The following EPB41L5 variants were observed in gnomAD, a reference collection of about 807,000 sequenced individuals.
EPB41L5 encodes the protein band 4.1-like protein 5.
Under a neutral mutation model 106.6 loss-of-function variants are expected in EPB41L5, and 55 were observed. That is an observed-to-expected ratio of 0.52 (90% CI 0.42 to 0.65). The LOEUF (loss-of-function observed/expected upper bound fraction) is 0.65, where lower values mean the gene tolerates loss of function less well. Ranked by LOEUF, EPB41L5 falls within the 30% of genes least tolerant of loss-of-function variation. EPB41L5 has a pLI of 0.00. For missense variants in EPB41L5, 871 were observed against 882.1 expected (o/e 0.99, Z 0.16); for synonymous variants, 297 against 306.7 (o/e 0.97, Z 0.33).
At chr2:120,014,509 G>T (rs1443913326) in intron 1 of EPB41L5, among the ~76,000 whole-genome samples, 1 of 152,112 alleles carries the variant, frequency 6.6e-6, no homozygotes, top group Admixed American at 6.6e-5. Flanking sequence ...ATAATTAACA[G>T]ATATTTAATT....
intron 16 of EPB41L5, among the ~76,000 whole-genome samples, chr2:120,112,924 G>A (rs564823863): frequency 6.6e-6 from 1 of 152,318 alleles, no homozygotes; most frequent in South Asian, 2.1e-4. Context: ...ACTCAAGACA[G>A]CTTAGTCCTA....
Position 120,098,156 on chromosome 2 carries a change from T to TTGTTTTGTGTGTGTGTGTGTG in EPB41L5, c.1179-2085_1179-2084insTTTGTGTGTGTGTGTGTGTGT, listed in dbSNP as rs1553506370. 2.2e-5 allele frequency among the ~76,000 whole-genome samples: 3 copies of TTGTTTTGTGTGTGTGTGTGTG among 133,728 alleles called. No individual in the cohort carries two copies. The East Asian group carries it at 7.0e-4, about 31-fold the overall frequency. The allele number at this position is 133,728 out of a possible 152,430, so 87.7% of individuals were successfully genotyped here. On this transcript the variant is annotated intron_variant, in intron 14 of 24. Transcript: ENST00000263713. Reference sequence around the variant, plus strand: ...GTGGATCTGCACTAAATTGTTTGTTTTGTGTGTGTGTGTGTGTGTGTGTGT... The same window carrying TTGTTTTGTGTGTGTGTGTGTG: ...GTGGATCTGCACTAAATTGTTTGTTTTGTTTTGTGTGTGTGTGTGTGTGTGTGTGTGTGTGTGTGTGTGTGT...
At chr2:120,135,710 A>G (rs1486275307) in intron 18 of EPB41L5, among the ~76,000 whole-genome samples, 1 of 152,132 alleles carries the variant, frequency 6.6e-6, no homozygotes, top group East Asian at 1.9e-4. Context: ...TTTAAAGTGA[A>G]GTAAAAATTT....
intron 10 of EPB41L5, 143 bp from the exon 11 acceptor site, chr2:120,087,028 G>T: frequency 1.8e-6 from 1 of 546,242 alleles, no homozygotes; most frequent in Non-Finnish European, 3.2e-6. Flanking sequence ...TCTTTTGATG[G>T]GCATTGCAAG....
chr2:120,034,575 T>G lies in EPB41L5; in HGVS notation c.181-7431T>G, dbSNP rs923261397. Reference sequence around the variant, plus strand: ...TTAGCAAATTTTAGCACAGTTAAATTTGTTAGCTGGGCTCAGTGTGACCAC... The same window carrying G: ...TTAGCAAATTTTAGCACAGTTAAATGTGTTAGCTGGGCTCAGTGTGACCAC... On this transcript the variant is annotated intron_variant, in intron 2 of 24. Transcript: ENST00000263713. Among the ~76,000 whole-genome samples, 4 of 152,200 alleles carry G rather than the reference T, an allele frequency of 2.6e-5. No individual in the cohort carries two copies. The South Asian group carries it at 6.2e-4, about 24-fold the overall frequency.
intron 10 of EPB41L5, among the ~76,000 whole-genome samples, chr2:120,078,867 C>T (rs1201843314): frequency 6.6e-6 from 1 of 152,118 alleles, no homozygotes; most frequent in Non-Finnish European, 1.5e-5. Flanking sequence ...TGGGCACTTT[C>T]TCCCTCCATG....
At chr2:120,095,785 C>T (rs898183708) in intron 14 of EPB41L5, among the ~76,000 whole-genome samples, 1 of 152,064 alleles carries the variant, frequency 6.6e-6, no homozygotes, top group South Asian at 2.1e-4. Context: ...TCTCCTGCCT[C>T]AGCCTCCCAA....
At chr2:120,043,866 G>A (rs919005622) in intron 3 of EPB41L5, among the ~76,000 whole-genome samples, 1 of 152,132 alleles carries the variant, frequency 6.6e-6, no homozygotes, top group South Asian at 2.1e-4. Context: ...AAAAATCTAG[G>A]CCAGGAGCAG....
intron 3 of EPB41L5, among the ~76,000 whole-genome samples, chr2:120,050,652 G>A (rs6723986): frequency 1.3e-5 from 2 of 152,016 alleles, no homozygotes; most frequent in Admixed American, 6.5e-5. Context: ...CCTACTTCTC[G>A]CAACTTGTCA....
At chr2:120,025,683 A>G (rs1678261061) in intron 2 of EPB41L5, among the ~76,000 whole-genome samples, 1 of 152,208 alleles carries the variant, frequency 6.6e-6, no homozygotes, top group Non-Finnish European at 1.5e-5. Context: ...GAATTTGAAG[A>G]CTTAAGGTTG....
intron 16 of EPB41L5, among the ~76,000 whole-genome samples, chr2:120,109,017 G>A (rs2860928): frequency 0.57 from 87,114 of 152,054 alleles, 26,926 homozygotes; most frequent in Middle Eastern, 0.68. Context: ...GATTTCAGGA[G>A]TCTTGTATTG....
chr2:120,091,215 CTG>C (rs1290204583), intron 12 of EPB41L5, among the ~76,000 whole-genome samples: 4 of 152,098 alleles, frequency 2.6e-5, no homozygotes, highest in Non-Finnish European at 5.9e-5. Flanking sequence ...GAAAAAGTAA[CTG>C]AAAATATTCT....
In EPB41L5 at chr2:120,178,036, T is replaced by C. The variant is rs879785254; in HGVS notation, c.*3129T>C. 5 of 152,240 alleles carry C rather than the reference T, an allele frequency of 3.3e-5. No individual in the cohort carries two copies. The highest frequency in any genetic ancestry group is 5.9e-5 in the Non-Finnish European group (4 of 67,964). The allele number at this position is 152,240 out of a possible 1,614,324, so 9.4% of individuals were successfully genotyped here. A position where few individuals can be genotyped will look rare whatever the true frequency, so the allele number is the denominator to read the frequency against. The stretch of plus-strand genomic sequence containing the variant: ...TAAGTAAGAGTCTCGAGAAGCAGAG[T>C]TTTTGTCTTGTCATTGAGAGGAGTC... On this transcript the variant is annotated 3_prime_UTR_variant, in exon 25 of 25. Coordinates refer to ENST00000263713, the MANE Select transcript of EPB41L5 (RefSeq NM_020909.4).
At chr2:120,163,893 G>A (rs1053173629) in intron 21 of EPB41L5, among the ~76,000 whole-genome samples, 2 of 151,622 alleles carry the variant, frequency 1.3e-5, no homozygotes, top group African/African-American at 2.4e-5. Context: ...TTGGGGCTGC[G>A]GTGAGTTATG....
At chr2:120,029,661 A>G (rs772717033) in intron 2 of EPB41L5, among the ~76,000 whole-genome samples, 50 of 152,102 alleles carry the variant, frequency 3.3e-4, no homozygotes, top group Non-Finnish European at 6.6e-4. Context: ...GTGGACTGTA[A>G]GTCCCCAAAC....
At chr2:120,083,917 T>C (rs1682873539) in intron 10 of EPB41L5, among the ~76,000 whole-genome samples, 1 of 152,220 alleles carries the variant, frequency 6.6e-6, no homozygotes, top group African/African-American at 2.4e-5. Flanking sequence ...AGACTAGGAT[T>C]GCAACCTCTG....
At chr2:120,099,729 A>G (rs1684018919) in intron 14 of EPB41L5, among the ~76,000 whole-genome samples, 2 of 152,098 alleles carry the variant, frequency 1.3e-5, no homozygotes, top group African/African-American at 4.8e-5. Context: ...CCTGGCCTAA[A>G]CTGAAAATTT....
intron 16 of EPB41L5, chr2:120,107,051 A>G: frequency 4.7e-6 from 2 of 422,034 alleles, no homozygotes; most frequent in Non-Finnish European, 6.3e-6. Context: ...AATGTTATTT[A>G]TAACACTTGG....
chr2:120,146,656 C>T (rs567459229), intron 20 of EPB41L5, among the ~76,000 whole-genome samples: 8 of 152,306 alleles, frequency 5.3e-5, no homozygotes, highest in African/African-American at 1.7e-4. Flanking sequence ...GCCATGGGTT[C>T]TCACAGTAAT....
Sources: gnomAD v4.1 joint callset for allele counts (sites outside exome capture counted in the v4.1 genomes callset) on GRCh38, gnomAD v4.1.1 for gene constraint, MANE v1.5 for transcripts, NCBI Gene and HGNC (gene_info 2026-07-23, HGNC 2026-07-21) for gene names.